The following LPCAT3 variants were observed in gnomAD, a reference collection of about 807,000 sequenced individuals.
LPCAT3 encodes the protein lysophosphatidylcholine acyltransferase 3.
In LPCAT3, 21 loss-of-function variants were observed where a neutral mutation model predicts 63.4. The ratio of observed to expected loss-of-function variants is 0.33; its 90% CI spans 0.23 to 0.48. LPCAT3 has a LOEUF of 0.48. Ranked by LOEUF, LPCAT3 falls within the 20% of genes least tolerant of loss-of-function variation. The pLI is 0.99. For synonymous variants in LPCAT3, 242 were observed against 227.5 expected (o/e 1.06, Z -0.58); for missense variants, 451 against 590.6 (o/e 0.76, Z 2.45).
intron 1 of LPCAT3, among the ~76,000 whole-genome samples, chr12:7,010,836 AAT>A (rs1555157170): frequency 5.3e-5 from 8 of 152,030 alleles, no homozygotes; most frequent in Non-Finnish European, 1.5e-5. Context: ...GGTTGGAAAA[AAT>A]ATATATATTT....
intron 1 of LPCAT3, among the ~76,000 whole-genome samples, chr12:7,003,000 C>T (rs1555156623): frequency 6.6e-6 from 1 of 151,966 alleles, no homozygotes; most frequent in South Asian, 2.1e-4. Context: ...AAGAGTGAAA[C>T]TCCATCTCAA....
In LPCAT3 at chr12:6,977,298, G is replaced by A. The variant is rs1348532909; in HGVS notation, c.1348-36C>T. ...AGAGGCCACTAAGGTAGACAGGCCT[G>A]GAGTGTCCTTTGCAACCTTTGAGGT... is the stretch of plus-strand genomic sequence containing the variant. On this transcript the variant is annotated intron_variant, in intron 11 of 12. Coordinates refer to ENST00000261407, the MANE Select transcript of LPCAT3 (RefSeq NM_005768.6). This position sits in a 1 kb window ranked among gnomAD's most constrained non-coding sequence, Gnocchi z 4.5. 2 of 1,611,320 alleles carry A rather than the reference G, an allele frequency of 1.2e-6. No individual in the cohort carries two copies. The highest frequency in any genetic ancestry group is 1.7e-6 in the Non-Finnish European group (2 of 1,177,468).
chr12:6,990,688 C>T (rs782424912), intron 1 of LPCAT3, among the ~76,000 whole-genome samples: 7 of 150,942 alleles, frequency 4.6e-5, no homozygotes, highest in South Asian at 4.2e-4. Context: ...TTTGGGAGGC[C>T]GAGGTGGGTG....
intron 6 of LPCAT3, 60 bp from the exon 7 acceptor site, chr12:6,979,639 C>A: frequency 8.3e-7 from 1 of 1,200,392 alleles, no homozygotes; most frequent in South Asian, 1.2e-5. Context: ...CCTTCACCCT[C>A]TGACCTTCAG....
chr12:7,003,484 T>C (rs1946704134), intron 1 of LPCAT3, among the ~76,000 whole-genome samples: 1 of 152,188 alleles, frequency 6.6e-6, no homozygotes, highest in South Asian at 2.1e-4. Context: ...TTTATTTTAG[T>C]AGAGACTGGG....
At chr12:7,010,381 T>A (rs1300086481) in intron 1 of LPCAT3, among the ~76,000 whole-genome samples, 1 of 152,198 alleles carries the variant, frequency 6.6e-6, no homozygotes, top group Non-Finnish European at 1.5e-5. Flanking sequence ...AGCTAAAATG[T>A]CACTTTCTTT....
intron 1 of LPCAT3, among the ~76,000 whole-genome samples, chr12:6,990,044 G>A (rs1185377995): frequency 6.6e-6 from 1 of 151,660 alleles, no homozygotes; most frequent in Non-Finnish European, 1.5e-5. Flanking sequence ...GGGGTGGGTG[G>A]TGCGTGCCTG....
Position 6,987,215 on chromosome 12 carries a change from G to T in LPCAT3, c.152-3676C>A, listed in dbSNP as rs1344280485. Among the ~76,000 whole-genome samples the T allele has an allele frequency of 6.6e-6, 1 of 152,238 alleles. No individual in the cohort carries two copies. The highest frequency in any genetic ancestry group is 1.5e-5 in the Non-Finnish European group (1 of 68,042). On this transcript the variant is annotated intron_variant, in intron 1 of 12. Transcript: ENST00000261407. This position sits in a 1 kb window ranked among gnomAD's most constrained non-coding sequence, Gnocchi z 4.1. Reference sequence around the variant, plus strand: ...AGGCTCAACTGTAATTAATTCTACAGATATCTTATGGATTACTGGCTCATG... The same window carrying T: ...AGGCTCAACTGTAATTAATTCTACATATATCTTATGGATTACTGGCTCATG...
chr12:6,992,769 TAC>T (rs1555155639), intron 1 of LPCAT3, among the ~76,000 whole-genome samples: 3 of 152,218 alleles, frequency 2.0e-5, no homozygotes, highest in East Asian at 1.9e-4. Context: ...TGGTTTTGAA[TAC>T]AGTTATCTCT....
At chr12:7,001,425 T>C (rs1177794767) in intron 1 of LPCAT3, 1 of 455,916 alleles carries the variant, frequency 2.2e-6, no homozygotes, top group Non-Finnish European at 4.4e-6. Flanking sequence ...ATTAGGCACA[T>C]GCCTGAAAAT....
chr12:7,011,665 A>G (rs111616360), intron 1 of LPCAT3, among the ~76,000 whole-genome samples: 122 of 146,352 alleles, frequency 8.3e-4, no homozygotes, highest in African/African-American at 1.9e-3. Flanking sequence ...AAAAAAAAAA[A>G]AAAGAAAGAA....
At chr12:6,992,705 G>C (rs1946600303) in intron 1 of LPCAT3, among the ~76,000 whole-genome samples, 1 of 152,022 alleles carries the variant, frequency 6.6e-6, no homozygotes. Context: ...TGGTTTCCTT[G>C]ACTGCCCTGC....
At chr12:7,005,538 A>G (rs782177455) in intron 1 of LPCAT3, among the ~76,000 whole-genome samples, 77 of 152,286 alleles carry the variant, frequency 5.1e-4, no homozygotes, top group African/African-American at 1.8e-3. Flanking sequence ...TGGCTGCACC[A>G]TTTTACATTC....
intron 1 of LPCAT3, among the ~76,000 whole-genome samples, chr12:7,013,973 A>C (rs1235754193): frequency 6.6e-6 from 1 of 152,220 alleles, no homozygotes; most frequent in Non-Finnish European, 1.5e-5. Flanking sequence ...TCACTTCTTT[A>C]AAGTCCTGTT....
At chr12:7,009,581 G>C (rs1946748510) in intron 1 of LPCAT3, among the ~76,000 whole-genome samples, 1 of 152,216 alleles carries the variant, frequency 6.6e-6, no homozygotes, top group Non-Finnish European at 1.5e-5. Context: ...TACAGATGCT[G>C]TTGGTCACAA....
rs1380892013 is a variant in LPCAT3, at chr12:6,987,521, C to T, written c.152-3982G>A. Among the ~76,000 whole-genome samples, 1 of 152,110 alleles carries T rather than the reference C, an allele frequency of 6.6e-6. No individual in the cohort carries two copies. Among genetic ancestry groups the T allele is most frequent in the Non-Finnish European group, 1.5e-5 (1 of 68,022 alleles). ...CAGCAAATATTGCTAAGAACTAGAG[C>T]CAGGAACTAGAAAGTATATAGACTA... On this transcript the variant is annotated intron_variant, in intron 1 of 12. Transcript: ENST00000261407. The surrounding 1 kb of genome is among the most constrained non-coding windows in gnomAD (Gnocchi z 4.1).
In LPCAT3 at chr12:6,990,209, T is replaced by A. The variant is rs1387193009; in HGVS notation, c.152-6670A>T. On this transcript the variant is annotated intron_variant, in intron 1 of 12. Coordinates refer to ENST00000261407, the MANE Select transcript of LPCAT3 (RefSeq NM_005768.6). ...TCTCAAAAATAAATAAATAAATAAATAAAAATAAAAAAAATATAAGCGGGG... is the reference window on the plus strand; with the variant it reads ...TCTCAAAAATAAATAAATAAATAAAAAAAAATAAAAAAAATATAAGCGGGG... 1.2e-4 allele frequency among the ~76,000 whole-genome samples: 17 copies of A among 140,582 alleles called. 1 individual carries two copies. The highest frequency in any genetic ancestry group is 1.1e-3 in the Admixed American group (16 of 14,030). The allele number at this position is 140,582 out of a possible 152,430, so 92.2% of individuals were successfully genotyped here. A position where few individuals can be genotyped will look rare whatever the true frequency, so the allele number is the denominator to read the frequency against.
At chr12:7,004,430 G>A (rs1555156739) in intron 1 of LPCAT3, among the ~76,000 whole-genome samples, 2 of 152,192 alleles carry the variant, frequency 1.3e-5, no homozygotes, top group Non-Finnish European at 2.9e-5. Flanking sequence ...TCTTACGGAA[G>A]AGGAAGCTGA....
rs140063373 is a variant in LPCAT3, at chr12:7,007,278, T to C, written c.151+10996A>G. 4.0e-4 allele frequency among the ~76,000 whole-genome samples: 61 copies of C among 152,062 alleles called. 2 individuals carry two copies. The East Asian group carries it at 0.011, about 29-fold the overall frequency. The stretch of plus-strand genomic sequence containing the variant: ...GTTGGCCAGGCTGGTCTCAAACTCC[T>C]GACCTCAGGTGATCCACCCACCTTG... On this transcript the variant is annotated intron_variant, in intron 1 of 12. Coordinates refer to ENST00000261407, the MANE Select transcript of LPCAT3 (RefSeq NM_005768.6).
Sources: gnomAD v4.1 joint callset for allele counts (sites outside exome capture counted in the v4.1 genomes callset) on GRCh38, gnomAD v4.1.1 for gene constraint, Gnocchi (gnomAD v3.1) non-coding constraint, MANE v1.5 for transcripts, NCBI Gene and HGNC (gene_info 2026-07-23, HGNC 2026-07-21) for gene names.